COPG2: variants seen among roughly 807,000 people sequenced by gnomAD.
COPG2 encodes coat protein complex I subunit gamma 2.
COPG2 carries 37 observed loss-of-function variants against 46.3 expected under a neutral mutation model. That is an observed-to-expected ratio of 0.80 (90% CI 0.61 to 1.05). The LOEUF (loss-of-function observed/expected upper bound fraction) is 1.05. Ranked by LOEUF, COPG2 falls within the 50% of genes least tolerant of loss-of-function variation. COPG2 has a pLI of 0.00. For synonymous variants in COPG2, 159 were observed against 129.7 expected (o/e 1.23, Z -1.53); for missense variants, 427 against 387.8 (o/e 1.10, Z -0.85).
intron 9 of COPG2, among the ~76,000 whole-genome samples, chr7:130,598,780 T>C (rs1027643288): frequency 2.6e-5 from 4 of 152,194 alleles, no homozygotes; most frequent in Non-Finnish European, 4.4e-5. Context: ...CAACGGGCTA[T>C]CCAGCTAAAT....
intron 12 of COPG2, among the ~76,000 whole-genome samples, chr7:130,558,304 T>C (rs1793664012): frequency 6.6e-6 from 1 of 152,046 alleles, no homozygotes; most frequent in African/African-American, 2.4e-5. Context: ...TTGTGAGATC[T>C]GGTCATTTAA....
chr7:130,513,309 ATATATAT>A (rs1436694401), intron 20 of COPG2, among the ~76,000 whole-genome samples: 102 of 48,910 alleles, frequency 2.1e-3, no homozygotes, highest in African/African-American at 9.6e-3. Flanking sequence ...AAAAAAAAAA[ATATATAT>A]ATATATATAT....
intron 5 of COPG2, among the ~76,000 whole-genome samples, chr7:130,619,337 G>A (rs1358617901): frequency 6.6e-6 from 1 of 152,160 alleles, no homozygotes; most frequent in Non-Finnish European, 1.5e-5. Context: ...CAATACAGAT[G>A]TAAGAGTGTC....
intron 20 of COPG2, among the ~76,000 whole-genome samples, chr7:130,520,625 G>A (rs1339526762): frequency 2.0e-5 from 3 of 152,184 alleles, no homozygotes; most frequent in Admixed American, 6.5e-5. Flanking sequence ...TATTTTTGCC[G>A]TGGTTCTTGT....
Position 130,547,688 on chromosome 7 carries a change from T to C in COPG2, c.2135A>G (p.Asp712Gly), listed in dbSNP as rs1248513950. The C allele has an allele frequency of 5.0e-6, 2 of 398,482 alleles. No homozygotes were observed. Among genetic ancestry groups the C allele is most frequent in the Non-Finnish European group, 8.8e-6 (2 of 226,070 alleles). The allele number at this position is 398,482 out of a possible 1,614,324, so 24.7% of individuals were successfully genotyped here. A position where few individuals can be genotyped will look rare whatever the true frequency, so the allele number is the denominator to read the frequency against. The change falls in exon 20 of 24, where the codon GAT becomes GGT. Residue 712 changes from aspartate (D) to glycine (G), a missense_variant. Physicochemically the swap from Asp to Gly is moderately conservative, Grantham distance 94. Transcript: ENST00000425248. ...ICYTLVRLPD[D>G]DPTAVAGSFS... ...AGGGTTAGTACCTGCTGTAGGGTCATCATCAGGCAAACGAACAAGAGTGTA... is the reference window on the plus strand; with the variant it reads ...AGGGTTAGTACCTGCTGTAGGGTCACCATCAGGCAAACGAACAAGAGTGTA...
chr7:130,514,043 C>G (rs1232851856), intron 20 of COPG2, among the ~76,000 whole-genome samples: 1 of 152,160 alleles, frequency 6.6e-6, no homozygotes, highest in African/African-American at 2.4e-5. Flanking sequence ...AAGTGTTTCC[C>G]AGAATGGGAA....
At chr7:130,566,278 T>C (rs36195043) in intron 9 of COPG2, among the ~76,000 whole-genome samples, 20,885 of 152,130 alleles carry the variant, frequency 0.14, 2,521 homozygotes, top group African/African-American at 0.32. Context: ...TGGTACCATC[T>C]TGTACCAGTC....
chr7:130,665,138 G>A (rs782010344), intron 3 of COPG2, among the ~76,000 whole-genome samples: 1 of 152,060 alleles, frequency 6.6e-6, no homozygotes, highest in Non-Finnish European at 1.5e-5. Flanking sequence ...CCGAGATTGC[G>A]CCACTGCACT....
chr7:130,621,659 A>C (rs1337761505), intron 5 of COPG2, among the ~76,000 whole-genome samples: 1 of 151,932 alleles, frequency 6.6e-6, no homozygotes, highest in Non-Finnish European at 1.5e-5. Context: ...AAATATAAAA[A>C]ACTGGCCAGA....
chr7:130,518,300 T>C (rs1044779462), intron 20 of COPG2, among the ~76,000 whole-genome samples: 1 of 152,100 alleles, frequency 6.6e-6, no homozygotes, highest in African/African-American at 2.4e-5. Context: ...TGTATTCATT[T>C]TGGGGGAATG....
chr7:130,543,257 A>G (rs899380089), intron 20 of COPG2, among the ~76,000 whole-genome samples: 57 of 152,356 alleles, frequency 3.7e-4, no homozygotes, highest in Non-Finnish European at 6.9e-4. Flanking sequence ...TCTGTTTAAC[A>G]AGATTGAAAT....
intron 1 of COPG2, 121 bp from the exon 2 acceptor site, chr7:130,667,655 A>T (rs1383246656): frequency 1.4e-6 from 1 of 696,492 alleles, no homozygotes; most frequent in Non-Finnish European, 2.5e-6. Flanking sequence ...AGTGATAATC[A>T]TGGCTAATAC....
intron 9 of COPG2, among the ~76,000 whole-genome samples, chr7:130,570,839 G>A (rs1327728068): frequency 6.6e-6 from 1 of 152,160 alleles, no homozygotes; most frequent in Non-Finnish European, 1.5e-5. Context: ...CATGGCACTG[G>A]TATAAAAATA....
intron 9 of COPG2, among the ~76,000 whole-genome samples, chr7:130,599,595 A>G (rs781914051): frequency 2.0e-5 from 3 of 151,984 alleles, no homozygotes; most frequent in South Asian, 4.1e-4. Context: ...CCCTTTCTTG[A>G]GTTTGTACAT....
chr7:130,649,003 A>T (rs528397396), intron 5 of COPG2, among the ~76,000 whole-genome samples: 1 of 152,262 alleles, frequency 6.6e-6, no homozygotes, highest in African/African-American at 2.4e-5. Flanking sequence ...GTTGCTGCTG[A>T]CGTAGAATTC....
intron 3 of COPG2, 82 bp from the exon 4 acceptor site, chr7:130,663,120 A>G: frequency 1.4e-6 from 1 of 706,394 alleles, no homozygotes; most frequent in Non-Finnish European, 2.2e-6. Flanking sequence ...AGGATTTTCT[A>G]TTTCTGCAAA....
chr7:130,530,510 G>A (rs1456229947), intron 20 of COPG2, among the ~76,000 whole-genome samples: 5 of 152,212 alleles, frequency 3.3e-5, no homozygotes, highest in Non-Finnish European at 7.3e-5. Context: ...AGGTGGGATA[G>A]AGAGAGGATG....
chr7:130,627,435 C>A (rs1209974696), intron 5 of COPG2, among the ~76,000 whole-genome samples: 1 of 152,202 alleles, frequency 6.6e-6, no homozygotes, highest in East Asian at 1.9e-4. Context: ...CAGTACTGCA[C>A]AAAGCCCTCT....
chr7:130,565,760 C>G (rs1793792872), intron 9 of COPG2, among the ~76,000 whole-genome samples: 2 of 150,736 alleles, frequency 1.3e-5, no homozygotes, highest in Admixed American at 1.3e-4. Flanking sequence ...TTTTAAGAAA[C>G]CAAATAGAAA....
Sources: allele counts gnomAD v4.1 joint callset (sites outside exome capture counted in the v4.1 genomes callset), GRCh38; gene constraint gnomAD v4.1.1; transcripts MANE v1.5; gene names NCBI Gene and HGNC (gene_info 2026-07-23, HGNC 2026-07-21).